KRT78: variants seen among roughly 807,000 people sequenced by gnomAD.
KRT78 encodes keratin 78, also known as keratin, type II cytoskeletal 78.
KRT78 carries 55 observed loss-of-function variants against 51.4 expected under a neutral mutation model. The ratio of observed to expected loss-of-function variants is 1.07; its 90% CI spans 0.86 to 1.34. The LOEUF (loss-of-function observed/expected upper bound fraction) is 1.34. Ranked by LOEUF, KRT78 falls within the 40% of genes most tolerant of loss-of-function variation. KRT78 has a pLI of 0.00. For missense variants in KRT78, 652 were observed against 649.4 expected, an observed-to-expected ratio of 1.00 and a Z score of -0.04; for synonymous variants, 291 against 264.3, an observed-to-expected ratio of 1.10 and a Z score of -0.98.
intron 1 of KRT78, 51 bp downstream of exon 1, chr12:52,848,496 G>C: frequency 6.3e-7 from 1 of 1,595,432 alleles, no homozygotes; most frequent in East Asian, 2.2e-5. Context: ...ATCAAGAGCA[G>C]CTCCTCCAAG....
At position 52,847,992 on chromosome 12, in the gene KRT78, G is replaced by A; in HGVS notation, c.514C>T (p.Gln172Ter). 1 of 1,614,198 alleles carries A rather than the reference G, an allele frequency of 6.2e-7. No homozygotes were observed. Among genetic ancestry groups the A allele is most frequent in the Non-Finnish European group, 8.5e-7 (1 of 1,180,030 alleles). The change falls in exon 2 of 9, where the codon CAG becomes TAG. Residue 172 changes from glutamine to a stop codon, truncating the protein, a stop_gained. Transcript: ENST00000304620. LOFTEE classifies it high-confidence loss of function. ...CGTTCTCCCTGGAGCTGCTCCAGCTGCTTCCTGAGCTGATCCAGGCAGGCC... is the reference window on the plus strand; with the variant it reads ...CGTTCTCCCTGGAGCTGCTCCAGCTACTTCCTGAGCTGATCCAGGCAGGCC... The part of the protein sequence containing the change: ...FEACLDQLRK[Q>*]LEQLQGERGA...
At chr12:52,846,025 C>G (rs1940633707) in intron 4 of KRT78, 172 bp downstream of exon 4, 1 of 598,726 alleles carries the variant, frequency 1.7e-6, no homozygotes. Context: ...TCCCCAGGAC[C>G]TAGCAATTCA....
chr12:52,839,165 G>A lies in KRT78; in HGVS notation c.1511C>T (p.Thr504Ile), dbSNP rs1463738615. 1.2e-6 allele frequency: 2 copies of A among 1,613,358 alleles called. No individual in the cohort carries two copies. Among genetic ancestry groups the A allele is most frequent in the African/African-American group, 1.3e-5 (1 of 74,900 alleles). Residue 504 changes from threonine (T) to isoleucine (I), a missense_variant, in exon 9 of 9, where the codon ACC becomes ATC. Transcript: ENST00000304620. ...SGSSAGSSCH[T>I]ILKKTVESSL... Reference sequence around the variant, plus strand: ...CGACTCAACTGTCTTCTTCAGGATGGTGTGGCAGCTGGAGCCAGCGCTGGA... The same window carrying A: ...CGACTCAACTGTCTTCTTCAGGATGATGTGGCAGCTGGAGCCAGCGCTGGA...
Position 52,848,631 on chromosome 12 carries a change from G to A in KRT78, c.300C>T (p.Ile100=), listed in dbSNP as rs17119683. The A allele has an allele frequency of 0.034, 55,504 of 1,613,960 alleles. 1,181 individuals are homozygous for A. The highest frequency in any genetic ancestry group is 0.068 in the Admixed American group (4,074 of 60,002). ...QNLLTPLKIE[I]DPQFQVVRTQ... ...TCCGCACCACCTGGAACTGGGGATC[G>A]ATCTCAATCTTCAGTGGGGTCAGCA... is the stretch of plus-strand genomic sequence containing the variant. The change falls in exon 1 of 9, where the codon ATC becomes ATT. Residue 100 remains isoleucine (I), a synonymous_variant. Transcript: ENST00000304620.
Position 52,845,702 on chromosome 12 carries a change from TC to T in KRT78, c.756+494del, listed in dbSNP as rs535774342. ...CGGGCGTGGTGGCTCATGCCTGTAATCCCAGCACTTTGGGAGGCCGAGGCGG... is the reference window on the plus strand; with the variant it reads ...CGGGCGTGGTGGCTCATGCCTGTAATCCAGCACTTTGGGAGGCCGAGGCGG... On this transcript the variant is annotated intron_variant, in intron 4 of 8. Transcript: ENST00000304620. Among the ~76,000 whole-genome samples the T allele has an allele frequency of 3.3e-5, 5 of 152,220 alleles. No individual in the cohort carries two copies. In the South Asian group the frequency reaches 8.3e-4, roughly 25 times the overall value.
Position 52,848,887 on chromosome 12 carries a change from C to G in KRT78, c.44G>C (p.Arg15Pro), listed in dbSNP as rs202030816. ...CCTTGAGCGAGCAGAACAGGCTGAG[C>G]GAGCGCTGAAGCCCCTCTGGGCCCG... ...PCRAQRGFSARSACSARSRGR... is the reference protein window; with the variant it reads ...PCRAQRGFSAPSACSARSRGR... The change falls in exon 1 of 9, where the codon CGC becomes CCC. Residue 15 changes from arginine (R) to proline (P), a missense_variant. Arg to Pro is a moderately radical substitution (Grantham distance 103). Transcript: ENST00000304620. 6.3e-7 allele frequency: 1 copy of G among 1,596,608 alleles called. No homozygotes were observed. Among genetic ancestry groups the G allele is most frequent in the Non-Finnish European group, 8.5e-7 (1 of 1,172,874 alleles).
At position 52,848,811 on chromosome 12, in the gene KRT78, G is replaced by C; in HGVS notation, c.120C>G (p.Ser40Arg). 1.2e-6 allele frequency: 2 copies of C among 1,613,510 alleles called. No homozygotes were observed. Among genetic ancestry groups the C allele is most frequent in the Non-Finnish European group, 8.5e-7 (1 of 1,179,862 alleles). Residue 40 changes from serine to arginine, a missense_variant, in exon 1 of 9, where the codon AGC becomes AGG. Physicochemically the swap from Ser to Arg is moderately radical, Grantham distance 110. Coordinates refer to ENST00000304620, the MANE Select transcript of KRT78 (RefSeq NM_173352.4). The stretch of plus-strand genomic sequence containing the variant: ...CCAGGCACCCCCCAAAGGAATTAAG[G>C]CTCCTGCTGCTGAAGCCGCCCCTGC... ...FSSRGGFSSRSLNSFGGCLEG... is the reference protein window; with the variant it reads ...FSSRGGFSSRRLNSFGGCLEG...
Position 52,844,630 on chromosome 12 carries a change from C to T in KRT78, c.850G>A (p.Glu284Lys), listed in dbSNP as rs758449048. 4 of 1,614,172 alleles carry T rather than the reference C, an allele frequency of 2.5e-6. No homozygotes were observed. In the East Asian group the frequency reaches 6.7e-5, roughly 27 times the overall value. ...ATCTCCTCGTACCGGGCGCGGACCT[C>T]AGTGATGATGCTGCTGAAGTCCAGG... The part of the protein sequence containing the change: ...RYLDFSSIIT[E>K]VRARYEEIAR... Residue 284 changes from glutamate (E) to lysine (K), a missense_variant, in exon 5 of 9, where the codon GAG becomes AAG. Transcript: ENST00000304620.
chr12:52,846,546 C>CAGTG (rs1320196957), intron 3 of KRT78, among the ~76,000 whole-genome samples: 2 of 152,184 alleles, frequency 1.3e-5, no homozygotes, highest in Non-Finnish European at 2.9e-5. Context: ...CCCTCTCCTG[C>CAGTG]AGTGACATCA....
Position 52,839,127 on chromosome 12 carries a change from A to T in KRT78, c.1549T>A (p.Ser517Thr). 1 of 1,613,002 alleles carries T rather than the reference A, an allele frequency of 6.2e-7. No homozygotes were observed. The highest frequency in any genetic ancestry group is 8.5e-7 in the Non-Finnish European group (1 of 1,179,786). ...TGCTGGGTCGCTCAGTAGGTGATGGATGTCTTCAGACTCGACTCAACTGTC... is the reference window on the plus strand; with the variant it reads ...TGCTGGGTCGCTCAGTAGGTGATGGTTGTCTTCAGACTCGACTCAACTGTC... The part of the protein sequence containing the change: ...KKTVESSLKT[S>T]ITY Residue 517 changes from serine (S) to threonine (T), a missense_variant, in exon 9 of 9, where the codon TCC (serine) becomes ACC (threonine). Coordinates refer to ENST00000304620, the MANE Select transcript of KRT78 (RefSeq NM_173352.4).
chr12:52,844,664 G>T lies in KRT78; in HGVS notation c.816C>A (p.Asn272Lys), dbSNP rs1267570256. 2 of 1,614,056 alleles carry T rather than the reference G, an allele frequency of 1.2e-6. No individual in the cohort carries two copies. The highest frequency in any genetic ancestry group is 2.2e-5 in the South Asian group (2 of 91,082). Residue 272 changes from asparagine to lysine, a missense_variant, in exon 5 of 9, where the codon AAC becomes AAA. Transcript: ENST00000304620. ...TGCTGCTGAAGTCCAGGTAGCGGTT[G>T]TTGTCCATGGACAGCACCACAGACG... ...SDTSVVLSMD[N>K]NRYLDFSSII...
At chr12:52,847,242 C>T (rs1447247327) in intron 2 of KRT78, among the ~76,000 whole-genome samples, 2 of 152,208 alleles carry the variant, frequency 1.3e-5, no homozygotes, top group East Asian at 1.9e-4. Flanking sequence ...CTCCACCTCA[C>T]ATCCCATTAT....
chr12:52,848,313 G>T, intron 1 of KRT78, 192 bp from the exon 2 acceptor site: 1 of 1,520,380 alleles, frequency 6.6e-7, no homozygotes, highest in South Asian at 1.2e-5. Context: ...GACTAATGGG[G>T]CAGGGCCTTC....
intron 6 of KRT78, among the ~76,000 whole-genome samples, chr12:52,842,644 A>G (rs1490385522): frequency 6.6e-6 from 1 of 152,104 alleles, no homozygotes; most frequent in Admixed American, 6.6e-5. Context: ...TGGGCTGAGC[A>G]TGGTGGCTCA....
rs1383651062 is a variant in KRT78, at chr12:52,839,002, G to A, written c.*111C>T. On this transcript the variant is annotated 3_prime_UTR_variant, in exon 9 of 9. Coordinates refer to ENST00000304620, the MANE Select transcript of KRT78 (RefSeq NM_173352.4). ...GACTTTATTGATTTTTGCAGCATCCGCTGTGGGCTGGCTTGGGCTGTGGGC... is the reference window on the plus strand; with the variant it reads ...GACTTTATTGATTTTTGCAGCATCCACTGTGGGCTGGCTTGGGCTGTGGGC... 1.2e-5 allele frequency: 16 copies of A among 1,288,530 alleles called. No homozygotes were observed. The highest frequency in any genetic ancestry group is 2.9e-5 in the African/African-American group (2 of 67,896). 79.8% of individuals were successfully genotyped at this position (1,288,530 alleles called of 1,614,324 possible).
intron 7 of KRT78, 122 bp downstream of exon 7, chr12:52,839,642 C>A (rs1411961138): frequency 2.3e-6 from 3 of 1,282,876 alleles, no homozygotes; most frequent in South Asian, 2.7e-5. Flanking sequence ...GCGTCGGTTG[C>A]CCTTAGCAAC....
At chr12:52,840,298 C>G (rs1940463346) in intron 6 of KRT78, among the ~76,000 whole-genome samples, 2 of 152,036 alleles carry the variant, frequency 1.3e-5, no homozygotes, top group African/African-American at 4.8e-5. Flanking sequence ...AATTAAGGAT[C>G]TCATGATCAT....
At chr12:52,847,884 T>C (rs1195778047) in intron 2 of KRT78, 23 bp downstream of exon 2, 1 of 1,599,304 alleles carries the variant, frequency 6.3e-7, no homozygotes, top group East Asian at 2.2e-5. Flanking sequence ...CCACATGGCA[T>C]GGGGAAATTT....
intron 4 of KRT78, chr12:52,845,952 C>CA (rs71755479): frequency 0.06 from 22,438 of 371,996 alleles, no homozygotes; most frequent in Middle Eastern, 0.084. Context: ...GATTCCATCT[C>CA]AAAAAAAAAA....
Sources: gnomAD v4.1 joint callset for allele counts (sites outside exome capture counted in the v4.1 genomes callset) on GRCh38, gnomAD v4.1.1 for gene constraint, MANE v1.5 for transcripts, NCBI Gene and HGNC (gene_info 2026-07-23, HGNC 2026-07-21) for gene names.